MYO16: variants seen among roughly 807,000 people sequenced by gnomAD.
The protein encoded by MYO16 is myosin XVI.
In MYO16, 94 loss-of-function variants were observed where a neutral mutation model predicts 205.3. That is an observed-to-expected ratio of 0.46 (90% CI 0.39 to 0.54). The LOEUF (loss-of-function observed/expected upper bound fraction) is 0.54, where lower values mean the gene tolerates loss of function less well. Among genes scored for constraint, MYO16 ranks in the 20% least tolerant of loss-of-function variants. The pLI is 0.00. For synonymous variants in MYO16, 988 were observed against 954.0 expected, an observed-to-expected ratio of 1.04 and a Z score of -0.66; for missense variants, 2,315 against 2,387.5, an observed-to-expected ratio of 0.97 and a Z score of 0.63.
the MYO16 span, among the ~76,000 whole-genome samples, chr13:108,523,035 AC>A: frequency 6.6e-6 from 1 of 152,184 alleles, no homozygotes; most frequent in South Asian, 2.1e-4. Flanking sequence ...AGCAATTTAG[AC>A]AGAGGATAAC....
At chr13:108,772,938 A>G (rs1886015426) in intron 4 of MYO16, among the ~76,000 whole-genome samples, 1 of 152,180 alleles carries the variant, frequency 6.6e-6, no homozygotes, top group African/African-American at 2.4e-5. Flanking sequence ...ACAAAACACT[A>G]TAAACTGGGT....
Position 109,102,804 on chromosome 13 carries a change from T to C in MYO16, c.3438+1917T>C, listed in dbSNP as rs967234373. On this transcript the variant is annotated intron_variant, in intron 28 of 34. Coordinates refer to ENST00000457511, the MANE Select transcript of MYO16 (RefSeq NM_001198950.3). Reference sequence around the variant, plus strand: ...GGATAGCATTAAATTGAAACATACATTGGGACTTTCAACAAGAGCATTAAA... The same window carrying C: ...GGATAGCATTAAATTGAAACATACACTGGGACTTTCAACAAGAGCATTAAA... 4.6e-5 allele frequency among the ~76,000 whole-genome samples: 7 copies of C among 152,182 alleles called. No individual in the cohort carries two copies. In the East Asian group the frequency reaches 1.4e-3, roughly 29 times the overall value.
At chr13:109,057,185 G>A (rs1013762272) in intron 27 of MYO16, among the ~76,000 whole-genome samples, 24 of 152,168 alleles carry the variant, frequency 1.6e-4, no homozygotes, top group South Asian at 4.1e-4. Flanking sequence ...GAAATAAGCC[G>A]CATTTACTTA....
At chr13:108,689,194 G>A (rs12429659) in intron 2 of MYO16, among the ~76,000 whole-genome samples, 6,417 of 152,000 alleles carry the variant, frequency 0.042, 190 homozygotes, top group South Asian at 0.12. Flanking sequence ...TTTTATTTTC[G>A]TAGTTCAAAT....
chr13:108,517,847 G>A, the MYO16 span, among the ~76,000 whole-genome samples: 1 of 152,354 alleles, frequency 6.6e-6, no homozygotes, highest in African/African-American at 2.4e-5. Context: ...GGCACCAGCA[G>A]ATTTGGTGTC....
chr13:108,598,936 T>C (rs1329665848), intron 1 of MYO16, among the ~76,000 whole-genome samples: 1 of 151,294 alleles, frequency 6.6e-6, no homozygotes, highest in Non-Finnish European at 1.5e-5. Context: ...CATGCTGGTG[T>C]GCTGCACCCA....
Position 108,684,970 on chromosome 13 carries a change from G to C in MYO16, c.292+18821G>C, listed in dbSNP as rs528564279. ...AAGTCAAGTGTTTCCCTGAGTTCTG[G>C]GAGTTGTCCTAACAAATTATTGAAC... On this transcript the variant is annotated intron_variant, in intron 2 of 34. Transcript: ENST00000457511. 1.5e-4 allele frequency among the ~76,000 whole-genome samples: 23 copies of C among 151,932 alleles called. No homozygotes were observed. The South Asian group carries it at 4.6e-3, about 30-fold the overall frequency.
intron 10 of MYO16, among the ~76,000 whole-genome samples, chr13:108,845,022 G>T (rs1234246795): frequency 6.6e-6 from 1 of 152,032 alleles, no homozygotes; most frequent in Non-Finnish European, 1.5e-5. Context: ...GGGGAGAGGG[G>T]AATGAGCTTG....
intron 33 of MYO16, among the ~76,000 whole-genome samples, chr13:109,178,953 C>T (rs1879337702): frequency 6.6e-6 from 1 of 152,226 alleles, no homozygotes; most frequent in African/African-American, 2.4e-5. Flanking sequence ...CATAAACCTA[C>T]AAGTTACTCT....
At chr13:109,138,963 C>T (rs896713421) in intron 31 of MYO16, among the ~76,000 whole-genome samples, 4 of 151,956 alleles carry the variant, frequency 2.6e-5, no homozygotes, top group Non-Finnish European at 4.4e-5. Context: ...GGACTACAGG[C>T]GCGTGCCACC....
the MYO16 span, among the ~76,000 whole-genome samples, chr13:108,503,690 C>T: frequency 2.0e-5 from 3 of 152,090 alleles, no homozygotes; most frequent in Admixed American, 2.0e-4. Flanking sequence ...CATAAAGAAG[C>T]ATCCTCAATG....
intron 6 of MYO16, 116 bp from the exon 7 acceptor site, chr13:108,806,563 G>A: frequency 1.3e-6 from 1 of 769,692 alleles, no homozygotes; most frequent in South Asian, 2.9e-5. Flanking sequence ...TTGTTTTTAT[G>A]GTCTCTGTAT....
chr13:108,801,089 C>T (rs1886955942), intron 6 of MYO16, among the ~76,000 whole-genome samples: 1 of 152,074 alleles, frequency 6.6e-6, no homozygotes, highest in South Asian at 2.1e-4. Flanking sequence ...CTAATATTTG[C>T]AACAGGTTTC....
intron 23 of MYO16, among the ~76,000 whole-genome samples, chr13:109,025,272 C>G (rs951876585): frequency 6.6e-5 from 10 of 152,196 alleles, no homozygotes; most frequent in African/African-American, 2.2e-4. Flanking sequence ...CCTGAAAGCT[C>G]TGACCAGGAA....
intron 1 of MYO16, among the ~76,000 whole-genome samples, chr13:108,654,770 G>A (rs1881166770): frequency 6.6e-6 from 1 of 152,196 alleles, no homozygotes. Flanking sequence ...GGTCTCAGAT[G>A]GAGATGAGAA....
chr13:108,822,801 A>G (rs1198398393), intron 8 of MYO16, among the ~76,000 whole-genome samples: 1 of 152,134 alleles, frequency 6.6e-6, no homozygotes, highest in African/African-American at 2.4e-5. Flanking sequence ...AAGATGCAGG[A>G]CAAGTTTTAC....
chr13:108,653,239 A>G (rs1314547354), intron 1 of MYO16, among the ~76,000 whole-genome samples: 1 of 152,086 alleles, frequency 6.6e-6, no homozygotes, highest in African/African-American at 2.4e-5. Context: ...AGATTATTTG[A>G]TTTTTTGTTG....
intron 1 of MYO16, among the ~76,000 whole-genome samples, chr13:108,659,839 C>G (rs1287446988): frequency 6.6e-6 from 1 of 152,248 alleles, no homozygotes; most frequent in African/African-American, 2.4e-5. Context: ...AAGTTCCTGC[C>G]TTTATGGGGC....
chr13:108,556,842 C>T, the MYO16 span, among the ~76,000 whole-genome samples: 4,839 of 152,130 alleles, frequency 0.032, 194 homozygotes, highest in African/African-American at 0.1. Context: ...TAGCTTCATT[C>T]TTCTGCATAT....
Sources: gnomAD v4.1 joint callset for allele counts (sites outside exome capture counted in the v4.1 genomes callset) on GRCh38, gnomAD v4.1.1 for gene constraint, MANE v1.5 for transcripts, NCBI Gene and HGNC (gene_info 2026-07-23, HGNC 2026-07-21) for gene names.